Variants in GATAD2B observed in about 807,000 individuals in gnomAD.
GATAD2B encodes GATA zinc finger domain containing 2B.
A neutral mutation model predicts 64.3 loss-of-function variants in GATAD2B; 8 were observed. The observed-to-expected ratio is 0.12, with a 90% CI of 0.07 to 0.22. The LOEUF (loss-of-function observed/expected upper bound fraction) is 0.22. Among genes scored for constraint, GATAD2B ranks in the 10% least tolerant of loss-of-function variants. GATAD2B has a pLI of 1.00. For missense variants in GATAD2B, 453 were observed against 752.0 expected (o/e 0.60, Z 4.65); for synonymous variants, 281 against 271.3 (o/e 1.04, Z -0.35).
At chr1:153,877,184 T>C (rs1049661570) in intron 1 of GATAD2B, among the ~76,000 whole-genome samples, 1 of 151,930 alleles carries the variant, frequency 6.6e-6, no homozygotes, top group Non-Finnish European at 1.5e-5. Context: ...AAAATAATAA[T>C]AATGAAATTA....
At chr1:153,858,780 TG>T (rs1676173887) in intron 1 of GATAD2B, among the ~76,000 whole-genome samples, 2 of 152,076 alleles carry the variant, frequency 1.3e-5, no homozygotes, top group African/African-American at 4.8e-5. Flanking sequence ...TGGGTATATA[TG>T]TATGTTATGT....
chr1:153,855,143 T>C (rs9660089), intron 1 of GATAD2B, among the ~76,000 whole-genome samples: 42,320 of 152,064 alleles, frequency 0.28, 6,348 homozygotes, highest in Admixed American at 0.39. Flanking sequence ...TTATTAATCT[T>C]GTTGGTTATA....
chr1:153,868,447 TAACAGC>T (rs1268631627), intron 1 of GATAD2B, among the ~76,000 whole-genome samples: 4 of 135,290 alleles, frequency 3.0e-5, no homozygotes, highest in African/African-American at 1.1e-4. Context: ...TTGTTCTAGT[TAACAGC>T]ATGGGGGACG....
intron 1 of GATAD2B, among the ~76,000 whole-genome samples, chr1:153,848,007 T>C (rs536210424): frequency 2.6e-5 from 4 of 152,212 alleles, no homozygotes; most frequent in Non-Finnish European, 1.5e-5. Flanking sequence ...TTCCCAAAGA[T>C]TTGATTTAAT....
At chr1:153,918,932 C>G (rs532030730) in intron 1 of GATAD2B, among the ~76,000 whole-genome samples, 1 of 151,720 alleles carries the variant, frequency 6.6e-6, no homozygotes, top group Non-Finnish European at 1.5e-5. Context: ...GCCTGGGCAA[C>G]AAGAGCAAAA....
At chr1:153,851,766 A>G (rs1675904988) in intron 1 of GATAD2B, among the ~76,000 whole-genome samples, 2 of 152,144 alleles carry the variant, frequency 1.3e-5, no homozygotes, top group Admixed American at 1.3e-4. Context: ...ACCAGTTTCT[A>G]CCCCAGCCCG....
At chr1:153,823,748 T>C (rs1674766612) in intron 2 of GATAD2B, among the ~76,000 whole-genome samples, 1 of 151,920 alleles carries the variant, frequency 6.6e-6, no homozygotes, top group African/African-American at 2.4e-5. Context: ...GTTTTTTTTT[T>C]GAGACAAGGT....
At chr1:153,889,361 G>A (rs1456649446) in intron 1 of GATAD2B, among the ~76,000 whole-genome samples, 1 of 135,346 alleles carries the variant, frequency 7.4e-6, no homozygotes, top group East Asian at 2.3e-4. Flanking sequence ...CTGGTGAACC[G>A]AGATCGTGCC....
intron 1 of GATAD2B, among the ~76,000 whole-genome samples, chr1:153,915,783 T>G (rs1678247421): frequency 6.6e-6 from 1 of 151,358 alleles, no homozygotes; most frequent in Admixed American, 6.6e-5. Flanking sequence ...CCACTGTATT[T>G]GCTCACACAT....
intron 1 of GATAD2B, among the ~76,000 whole-genome samples, chr1:153,911,007 G>A (rs1235785594): frequency 6.6e-6 from 1 of 152,112 alleles, no homozygotes; most frequent in East Asian, 1.9e-4. Context: ...AGGTGAGAAG[G>A]TAGAGAAATA....
intron 1 of GATAD2B, among the ~76,000 whole-genome samples, chr1:153,892,057 C>T (rs973331210): frequency 1.4e-5 from 2 of 145,300 alleles, no homozygotes; most frequent in South Asian, 2.2e-4. Flanking sequence ...CCCAGCTACT[C>T]GGGAGGCTGA....
rs2101891591 is a variant in GATAD2B at position 153,828,301 on chromosome 1, C to T, written c.47G>A (p.Arg16Gln). Reference sequence around the variant, plus strand: ...TCGCTCATCTGCTGGGTCCAAGCTCCGCTTCAACAGATTCAAGCGAAGAGC... The same window carrying T: ...TCGCTCATCTGCTGGGTCCAAGCTCTGCTTCAACAGATTCAAGCGAAGAGC... ...EDALRLNLLK[R>Q]SLDPADERDD... is the part of the protein sequence containing the mutation. Residue 16 changes from arginine to glutamine, a missense_variant, in exon 2 of 11, where the codon CGG becomes CAG. Arg to Gln is a conservative substitution (Grantham distance 43). Transcript: ENST00000368655. 4 of 1,613,200 alleles carry T rather than the reference C, an allele frequency of 2.5e-6. No homozygotes were observed. The highest frequency in any genetic ancestry group is 2.2e-5 in the East Asian group (1 of 44,886).
intron 1 of GATAD2B, among the ~76,000 whole-genome samples, chr1:153,910,439 T>C (rs1034997398): frequency 6.6e-6 from 1 of 152,202 alleles, no homozygotes; most frequent in Non-Finnish European, 1.5e-5. Context: ...TCCAACACTT[T>C]ATTACAAAAT....
chr1:153,868,503 G>A (rs993124030), intron 1 of GATAD2B, among the ~76,000 whole-genome samples: 16 of 151,734 alleles, frequency 1.1e-4, no homozygotes, highest in African/African-American at 3.9e-4. Flanking sequence ...TACACAGGAA[G>A]GTAGGAGTTC....
intron 1 of GATAD2B, among the ~76,000 whole-genome samples, chr1:153,902,675 C>T (rs536871582): frequency 4.3e-4 from 66 of 152,034 alleles, no homozygotes; most frequent in Non-Finnish European, 6.9e-4. Context: ...ACTCTGGTCT[C>T]GAACTCCTGG....
chr1:153,855,225 G>GTT (rs112614667), intron 1 of GATAD2B, among the ~76,000 whole-genome samples: 1 of 142,234 alleles, frequency 7.0e-6, no homozygotes, highest in Non-Finnish European at 1.6e-5. Flanking sequence ...CTTTCTTTTT[G>GTT]TTTTTTTTTT....
chr1:153,845,937 A>C, intron 1 of GATAD2B, among the ~76,000 whole-genome samples: 1 of 124,010 alleles, frequency 8.1e-6, no homozygotes, highest in African/African-American at 3.1e-5. Context: ...TATCTCTATA[A>C]ACTACCGCCC....
rs1678281054 is a variant in GATAD2B, at chr1:153,916,851, C to T, written c.-2+5882G>A. The stretch of plus-strand genomic sequence containing the variant: ...TGAGAGAGAGTCTCACTCTGTTGAC[C>T]AGGCTAGAGCACAGTGGCACAATCT... On this transcript the variant is annotated intron_variant, in intron 1 of 10. Transcript: ENST00000368655. 2.0e-5 allele frequency among the ~76,000 whole-genome samples: 3 copies of T among 152,112 alleles called. No homozygotes were observed. In the South Asian group the frequency reaches 6.2e-4, roughly 32 times the overall value.
chr1:153,820,974 ATTTTTTTTTTTTTTTTTTTTTTT>A (rs869096882), intron 2 of GATAD2B, among the ~76,000 whole-genome samples: 1 of 50,840 alleles, frequency 2.0e-5, no homozygotes, highest in African/African-American at 8.7e-5. Context: ...GGCACATGGA[ATTTTTTTTTTTTTTTTTTTTTTT>A]TTTTTTTTTT....
Sources: gnomAD v4.1 joint callset for allele counts (sites outside exome capture counted in the v4.1 genomes callset) on GRCh38, gnomAD v4.1.1 for gene constraint, MANE v1.5 for transcripts, NCBI Gene and HGNC (gene_info 2026-07-23, HGNC 2026-07-21) for gene names.